The following SLC29A3 variants were observed in gnomAD, a reference collection of about 807,000 sequenced individuals.
The protein encoded by SLC29A3 is solute carrier family 29 member 3, also known as equilibrative nucleoside transporter 3.
A neutral mutation model predicts 25.4 loss-of-function variants in SLC29A3; 18 were observed. The ratio of observed to expected loss-of-function variants is 0.71; its 90% CI spans 0.49 to 1.05. SLC29A3 has a LOEUF of 1.05. Ranked by LOEUF, SLC29A3 falls within the 50% of genes least tolerant of loss-of-function variation. The pLI is 0.00. For missense variants in SLC29A3, 586 were observed against 609.0 expected, an observed-to-expected ratio of 0.96 and a Z score of 0.40; for synonymous variants, 258 against 267.1, an observed-to-expected ratio of 0.97 and a Z score of 0.33.
intron 3 of SLC29A3, among the ~76,000 whole-genome samples, chr10:71,373,610 G>T (rs1265927474): frequency 6.6e-6 from 1 of 152,182 alleles, no homozygotes; most frequent in Non-Finnish European, 1.5e-5. Flanking sequence ...AAGCGTATCA[G>T]ATATTAGCTC....
chr10:71,359,435 T>A (rs1389060303), intron 5 of SLC29A3, among the ~76,000 whole-genome samples: 1 of 152,122 alleles, frequency 6.6e-6, no homozygotes. Flanking sequence ...AGGAACTTGG[T>A]GGGGAATTTC....
At chr10:71,369,710 G>A (rs1170367861) in intron 3 of SLC29A3, among the ~76,000 whole-genome samples, 3 of 152,218 alleles carry the variant, frequency 2.0e-5, no homozygotes, top group Admixed American at 6.5e-5. Flanking sequence ...GGGAGGCACT[G>A]ACCATTGAGC....
chr10:71,344,302 C>T lies in SLC29A3; in HGVS notation c.383+11C>T, dbSNP rs1389816017. ...CCTGCTTGTCAACAGGTAGGCGACT[C>T]TCTTCCCTCTCTCAGGCCTCTGCCT... On this transcript the variant is annotated intron_variant, in intron 3 of 5. Transcript: ENST00000373189. 1 of 1,602,484 alleles carries T rather than the reference C, an allele frequency of 6.2e-7. No individual in the cohort carries two copies. The highest frequency in any genetic ancestry group is 1.3e-5 in the African/African-American group (1 of 74,712).
At chr10:71,351,500 A>G in intron 3 of SLC29A3, 62 bp from the exon 4 acceptor site, 3 of 1,507,406 alleles carry the variant, frequency 2.0e-6, no homozygotes, top group Non-Finnish European at 2.8e-6. Context: ...GTGGCTCACC[A>G]GCCCCAGCCC....
chr10:71,375,400 C>T (rs1847243312), intron 3 of SLC29A3, among the ~76,000 whole-genome samples: 1 of 152,220 alleles, frequency 6.6e-6, no homozygotes, highest in South Asian at 2.1e-4. Flanking sequence ...ACAGGAGAAA[C>T]TTGCAGTTTA....
intron 3 of SLC29A3, 63 bp downstream of exon 3, chr10:71,344,354 C>T: frequency 7.7e-7 from 1 of 1,292,588 alleles, no homozygotes. Context: ...CTACTCCCCT[C>T]TTGCCTGCAG....
intron 5 of SLC29A3, among the ~76,000 whole-genome samples, chr10:71,357,760 T>G (rs2131846382): frequency 6.6e-6 from 1 of 152,358 alleles, no homozygotes; most frequent in Admixed American, 6.5e-5. Context: ...CCTGCTGCTT[T>G]TTATAAAAAC....
intron 5 of SLC29A3, among the ~76,000 whole-genome samples, chr10:71,358,942 ACT>A (rs1409806486): frequency 6.6e-6 from 1 of 151,792 alleles, no homozygotes; most frequent in Non-Finnish European, 1.5e-5. Context: ...ATGGAGTCTC[ACT>A]CTGTCGCCCA....
At chr10:71,327,841 G>A (rs754920914) in intron 2 of SLC29A3, among the ~76,000 whole-genome samples, 2 of 151,506 alleles carry the variant, frequency 1.3e-5, no homozygotes, top group Non-Finnish European at 2.9e-5. Context: ...TGGACCCAGC[G>A]TCCCTTGTCC....
At chr10:71,347,055 C>A (rs1846607705) in intron 3 of SLC29A3, among the ~76,000 whole-genome samples, 1 of 152,164 alleles carries the variant, frequency 6.6e-6, no homozygotes, top group Non-Finnish European at 1.5e-5. Context: ...AAGGGCAATG[C>A]AGGAACATCC....
chr10:71,363,808 C>CTTTTTTTTTT (rs71012277), downstream of SLC29A3, among the ~76,000 whole-genome samples: 133 of 103,714 alleles, frequency 1.3e-3, 7 homozygotes, highest in African/African-American at 2.3e-3. Context: ...TTTCCTTTTT[C>CTTTTTTTTTT]TTTTCTTTTT....
chr10:71,335,086 C>T (rs1370670784), intron 2 of SLC29A3, among the ~76,000 whole-genome samples: 3 of 151,990 alleles, frequency 2.0e-5, no homozygotes, highest in Non-Finnish European at 2.9e-5. Context: ...GGTCAACTGC[C>T]TTTCACCTTT....
At chr10:71,370,273 C>CA (rs1395364085) in intron 3 of SLC29A3, among the ~76,000 whole-genome samples, 1 of 152,204 alleles carries the variant, frequency 6.6e-6, no homozygotes, top group Non-Finnish European at 1.5e-5. Context: ...TTCGCAGACA[C>CA]AGAGAAGAGT....
chr10:71,376,638 G>T (rs1369086768), intron 4 of SLC29A3, among the ~76,000 whole-genome samples: 1 of 152,218 alleles, frequency 6.6e-6, no homozygotes, highest in Non-Finnish European at 1.5e-5. Context: ...TAGAAAATAT[G>T]ACTAGCTATA....
At chr10:71,342,966 G>A (rs1312403417) in intron 2 of SLC29A3, among the ~76,000 whole-genome samples, 1 of 152,260 alleles carries the variant, frequency 6.6e-6, no homozygotes, top group South Asian at 2.1e-4. Flanking sequence ...ACTCAAAGGG[G>A]CCCATGACAT....
At chr10:71,325,835 A>G (rs556485705) in intron 2 of SLC29A3, among the ~76,000 whole-genome samples, 96 of 151,976 alleles carry the variant, frequency 6.3e-4, no homozygotes, top group Non-Finnish European at 1.0e-3. Context: ...TGAAGGGCAC[A>G]GTAGAGTTTG....
chr10:71,349,737 G>A (rs7068296), intron 3 of SLC29A3, among the ~76,000 whole-genome samples: 1,711 of 152,222 alleles, frequency 0.011, 32 homozygotes, highest in African/African-American at 0.038. Context: ...TCCTCTGCTC[G>A]CATCTTGACT....
At chr10:71,319,354 C>T (rs1466816175) in intron 1 of SLC29A3, 44 bp downstream of exon 1, 2 of 619,688 alleles carry the variant, frequency 3.2e-6, no homozygotes, top group Middle Eastern at 4.0e-4. Flanking sequence ...CGGTCCCGGC[C>T]GCCCCCAGAC....
At chr10:71,324,530 C>T (rs945989414) in intron 2 of SLC29A3, among the ~76,000 whole-genome samples, 1 of 152,182 alleles carries the variant, frequency 6.6e-6, no homozygotes, top group Non-Finnish European at 1.5e-5. Context: ...GAAAGCAGGT[C>T]TAGGACTTAC....
Sources: allele counts gnomAD v4.1 joint callset (sites outside exome capture counted in the v4.1 genomes callset), GRCh38; gene constraint gnomAD v4.1.1; transcripts MANE v1.5; gene names NCBI Gene and HGNC (gene_info 2026-07-23, HGNC 2026-07-21).